The following AMOTL1 variants were observed in gnomAD, a reference collection of about 807,000 sequenced individuals.
AMOTL1 encodes angiomotin-like protein 1.
In AMOTL1, 45 loss-of-function variants were observed where a neutral mutation model predicts 102.9. That is an observed-to-expected ratio of 0.44 (90% CI 0.34 to 0.56). The LOEUF is 0.56. AMOTL1 is among the 20% of genes least tolerant of loss of function. The pLI is 0.01. For synonymous variants in AMOTL1, 481 were observed against 484.7 expected (o/e 0.99, Z 0.10); for missense variants, 1,114 against 1,225.6 (o/e 0.91, Z 1.36).
intron 5 of AMOTL1, 50 bp from the exon 6 acceptor site, chr11:94,831,402 G>T: frequency 6.9e-7 from 1 of 1,444,852 alleles, no homozygotes; most frequent in South Asian, 1.2e-5. Context: ...GTTAGATGAT[G>T]ACTTCAATCC....
At chr11:94,839,305 T>TA (rs1479763246) in intron 6 of AMOTL1, among the ~76,000 whole-genome samples, 1 of 152,242 alleles carries the variant, frequency 6.6e-6, no homozygotes, top group East Asian at 1.9e-4. Context: ...ATTGAGCACT[T>TA]ACTGTGAGCC....
chr11:94,821,180 T>C (rs556805793), intron 3 of AMOTL1, among the ~76,000 whole-genome samples: 1 of 152,216 alleles, frequency 6.6e-6, no homozygotes, highest in African/African-American at 2.4e-5. Flanking sequence ...GAAGTAGCCA[T>C]GGGGTCATTC....
chr11:94,754,018 T>A (rs1457442091), intron 3 of AMOTL1, among the ~76,000 whole-genome samples: 1 of 152,210 alleles, frequency 6.6e-6, no homozygotes, highest in African/African-American at 2.4e-5. Context: ...CTTGGGCAAG[T>A]GATCTAACCC....
At chr11:94,733,179 A>AGCC (rs1950381845) in intron 2 of AMOTL1, among the ~76,000 whole-genome samples, 2 of 152,202 alleles carry the variant, frequency 1.3e-5, no homozygotes, top group Non-Finnish European at 2.9e-5. Flanking sequence ...GCTGCGTTCT[A>AGCC]TCCATTTTAC....
intron 1 of AMOTL1, among the ~76,000 whole-genome samples, chr11:94,722,111 G>T (rs1333071333): frequency 6.6e-6 from 1 of 152,090 alleles, no homozygotes; most frequent in Non-Finnish European, 1.5e-5. Flanking sequence ...CTCCATCTCA[G>T]CAAGTCCTTA....
Position 94,768,484 on chromosome 11 carries a change from G to T in AMOTL1, c.-28G>T, listed in dbSNP as rs1950888403. 1.3e-6 allele frequency: 2 copies of T among 1,584,450 alleles called. No individual in the cohort carries two copies. The highest frequency in any genetic ancestry group is 1.3e-5 in the African/African-American group (1 of 74,188). ...TGCCCGGCAGCCGTCTTCCCCAGCCGAGGGACTGAACTAGCCATGATCGCC... is the reference window on the plus strand; with the variant it reads ...TGCCCGGCAGCCGTCTTCCCCAGCCTAGGGACTGAACTAGCCATGATCGCC... On this transcript the variant is annotated 5_prime_UTR_variant, in exon 1 of 13. Coordinates refer to ENST00000433060, the MANE Select transcript of AMOTL1 (RefSeq NM_130847.3).
At chr11:94,778,852 G>A (rs998748519) in intron 1 of AMOTL1, among the ~76,000 whole-genome samples, 7 of 152,200 alleles carry the variant, frequency 4.6e-5, no homozygotes, top group African/African-American at 1.7e-4. Flanking sequence ...GTGTCAACAA[G>A]TTGCCTTTCC....
At chr11:94,733,918 T>G (rs774114198) in intron 2 of AMOTL1, among the ~76,000 whole-genome samples, 2 of 152,250 alleles carry the variant, frequency 1.3e-5, no homozygotes, top group African/African-American at 2.4e-5. Context: ...AGCCAGATTT[T>G]ATTTCCTTTG....
At chr11:94,843,820 T>C (rs1952352670) in intron 6 of AMOTL1, among the ~76,000 whole-genome samples, 1 of 152,162 alleles carries the variant, frequency 6.6e-6, no homozygotes, top group Non-Finnish European at 1.5e-5. Context: ...AGCACTGGAC[T>C]AGCTGGGCAG....
exon 2 of AMOTL1, chr11:94,728,982 T>C: frequency 4.7e-6 from 6 of 1,289,088 alleles, no homozygotes; most frequent in Non-Finnish European, 6.1e-6. Flanking sequence ...TGGACCTCAG[T>C]GAAAAATGGA....
At chr11:94,737,460 C>G (rs969756145) in intron 2 of AMOTL1, among the ~76,000 whole-genome samples, 1 of 152,202 alleles carries the variant, frequency 6.6e-6, no homozygotes, top group Non-Finnish European at 1.5e-5. Flanking sequence ...GTGTGACACT[C>G]TCTCTCCTAG....
chr11:94,768,386 G>T lies in AMOTL1; in HGVS notation c.-126G>T. On this transcript the variant is annotated 5_prime_UTR_variant, in exon 1 of 13. Transcript: ENST00000433060. ...GCGAGAAGCTCTAGGACCCAGCAGCGGTTGTCGGGTTTGGGGCTGGAGGTG... is the reference window on the plus strand; with the variant it reads ...GCGAGAAGCTCTAGGACCCAGCAGCTGTTGTCGGGTTTGGGGCTGGAGGTG... The T allele has an allele frequency of 6.7e-7, 1 of 1,502,232 alleles. No homozygotes were observed. Among genetic ancestry groups the T allele is most frequent in the Non-Finnish European group, 8.9e-7 (1 of 1,125,762 alleles). The allele number at this position is 1,502,232 out of a possible 1,614,324, so 93.1% of individuals were successfully genotyped here. A position where few individuals can be genotyped will look rare whatever the true frequency, so the allele number is the denominator to read the frequency against.
intron 3 of AMOTL1, among the ~76,000 whole-genome samples, chr11:94,807,492 T>C (rs917647090): frequency 1.6e-4 from 24 of 152,202 alleles, no homozygotes; most frequent in Non-Finnish European, 2.8e-4. Context: ...AAAATTTTTT[T>C]AAGTAGCCAT....
At chr11:94,806,482 G>T (rs1232367831) in intron 3 of AMOTL1, among the ~76,000 whole-genome samples, 1 of 152,184 alleles carries the variant, frequency 6.6e-6, no homozygotes, top group Non-Finnish European at 1.5e-5. Context: ...CCAGACCCAT[G>T]GCTGTTGAAT....
chr11:94,799,442 G>T lies in AMOTL1; in HGVS notation c.252G>T (p.Glu84Asp). 6.2e-7 allele frequency: 1 copy of T among 1,601,462 alleles called. No individual in the cohort carries two copies. The highest frequency in any genetic ancestry group is 2.2e-5 in the East Asian group (1 of 44,512). The change falls in exon 3 of 13, where the codon GAG (glutamate) becomes GAT (aspartate). Residue 84 changes from glutamate (E) to aspartate (D), a missense_variant. Physicochemically the swap from Glu to Asp is conservative, Grantham distance 45. Coordinates refer to ENST00000433060, the MANE Select transcript of AMOTL1 (RefSeq NM_130847.3). This position sits in a 1 kb window ranked among gnomAD's most constrained non-coding sequence, Gnocchi z 4.5. ...FHSPNFLRIS[E>D]VEMRGSEDAA... Reference sequence around the variant, plus strand: ...CCCCAAACTTCCTGAGGATCTCAGAGGTGGAAATGAGAGGTTCCGAGGATG... The same window carrying T: ...CCCCAAACTTCCTGAGGATCTCAGATGTGGAAATGAGAGGTTCCGAGGATG...
chr11:94,771,309 G>T (rs988119774), intron 1 of AMOTL1, among the ~76,000 whole-genome samples: 2 of 150,092 alleles, frequency 1.3e-5, no homozygotes, highest in Non-Finnish European at 1.5e-5. Flanking sequence ...GCATAAGGAA[G>T]CTCAGGTCAG....
intron 8 of AMOTL1, 65 bp from the exon 9 acceptor site, chr11:94,859,460 T>C: frequency 6.8e-7 from 1 of 1,469,454 alleles, no homozygotes; most frequent in South Asian, 1.4e-5. Flanking sequence ...GTGTTCTGTA[T>C]GGGCAGTTGT....
intron 1 of AMOTL1, among the ~76,000 whole-genome samples, chr11:94,728,307 G>A (rs1003960495): frequency 2.0e-5 from 3 of 152,100 alleles, no homozygotes; most frequent in African/African-American, 4.8e-5. Context: ...ATCTTTTTAC[G>A]AAAGCCAAGA....
intron 1 of AMOTL1, among the ~76,000 whole-genome samples, chr11:94,776,068 C>G (rs528688456): frequency 6.6e-6 from 1 of 152,296 alleles, no homozygotes; most frequent in East Asian, 1.9e-4. Context: ...GAAAGGTCCT[C>G]CTGAAGAGGA....
Sources: allele counts gnomAD v4.1 joint callset (sites outside exome capture counted in the v4.1 genomes callset), GRCh38; gene constraint gnomAD v4.1.1; non-coding constraint Gnocchi (gnomAD v3.1); transcripts MANE v1.5; gene names NCBI Gene and HGNC (gene_info 2026-07-23, HGNC 2026-07-21).